The following NCKAP5 variants were observed in gnomAD, a reference collection of about 807,000 sequenced individuals.
The protein encoded by NCKAP5 is nck-associated protein 5.
NCKAP5 carries 92 observed loss-of-function variants against 167.0 expected under a neutral mutation model. That is an observed-to-expected ratio of 0.55 (90% CI 0.47 to 0.66). The LOEUF (loss-of-function observed/expected upper bound fraction) is 0.66. NCKAP5 is among the 30% of genes least tolerant of loss of function. The pLI is 0.00. For synonymous variants in NCKAP5, 891 were observed against 877.4 expected (o/e 1.02, Z -0.27); for missense variants, 2,378 against 2,315.0 (o/e 1.03, Z -0.56).
chr2:133,273,991 T>A (rs997967015), intron 4 of NCKAP5, among the ~76,000 whole-genome samples: 5 of 138,570 alleles, frequency 3.6e-5, no homozygotes, highest in Admixed American at 3.6e-4. Flanking sequence ...AAAAAAAAAA[T>A]CTATAACACG....
intron 4 of NCKAP5, among the ~76,000 whole-genome samples, chr2:133,223,537 T>C (rs2086747884): frequency 6.6e-6 from 1 of 152,160 alleles, no homozygotes. Context: ...TGGCAGATCA[T>C]TTAATTACTC....
chr2:133,361,825 TTAGCAAAA>T (rs1685122918), intron 3 of NCKAP5, among the ~76,000 whole-genome samples: 1 of 152,214 alleles, frequency 6.6e-6, no homozygotes, highest in Non-Finnish European at 1.5e-5. Context: ...AGCAAATGTC[TTAGCAAAA>T]TAGCACCATC....
chr2:132,859,315 G>A (rs989897938), intron 11 of NCKAP5, among the ~76,000 whole-genome samples: 2 of 152,008 alleles, frequency 1.3e-5, no homozygotes, highest in South Asian at 2.1e-4. Context: ...ACAATTTCCC[G>A]TTATTTCTCT....
In NCKAP5 at chr2:133,320,737, C is replaced by CA. The variant is rs202192425; in HGVS notation, c.70-17628dup. Among the ~76,000 whole-genome samples, 1,061 of 150,584 alleles carry CA rather than the reference C, an allele frequency of 7.0e-3. 16 individuals carry two copies. The highest frequency in any genetic ancestry group is 0.023 in the African/African-American group (922 of 40,940). On this transcript the variant is annotated intron_variant, in intron 3 of 19. Coordinates refer to ENST00000409261, the MANE Select transcript of NCKAP5 (RefSeq NM_207363.3). ...TCAAATAAACAACAAAACAAACAAA[C>CA]AAAAAAAAAGAAAAGAAAAAGGCCC...
intron 18 of NCKAP5, among the ~76,000 whole-genome samples, chr2:132,726,326 G>C (rs781144226): frequency 1.6e-4 from 25 of 152,296 alleles, no homozygotes; most frequent in Non-Finnish European, 3.4e-4. Flanking sequence ...GACAGTTCAT[G>C]GGCTGAGGAG....
At chr2:133,370,369 G>T in intron 3 of NCKAP5, among the ~76,000 whole-genome samples, 1 of 152,158 alleles carries the variant, frequency 6.6e-6, no homozygotes, top group Admixed American at 6.5e-5. Flanking sequence ...GTGGATATGA[G>T]GAAGGACAGG....
At chr2:133,386,335 A>G (rs1039014923) in intron 3 of NCKAP5, among the ~76,000 whole-genome samples, 1 of 152,250 alleles carries the variant, frequency 6.6e-6, no homozygotes. Flanking sequence ...CAGGTTGTTC[A>G]GTTTCCATGT....
chr2:133,250,077 A>T (rs572954837), intron 4 of NCKAP5, among the ~76,000 whole-genome samples: 65 of 151,084 alleles, frequency 4.3e-4, no homozygotes, highest in African/African-American at 1.5e-3. Flanking sequence ...CAGAGGAATG[A>T]CAGGAAATCT....
At chr2:133,111,685 G>A (rs913293326) in intron 6 of NCKAP5, among the ~76,000 whole-genome samples, 3 of 152,256 alleles carry the variant, frequency 2.0e-5, no homozygotes, top group Non-Finnish European at 2.9e-5. Flanking sequence ...AGCAGACTGG[G>A]CCCGGGTACC....
intron 6 of NCKAP5, among the ~76,000 whole-genome samples, chr2:133,127,946 G>A (rs1478260764): frequency 6.6e-6 from 1 of 152,132 alleles, no homozygotes; most frequent in Non-Finnish European, 1.5e-5. Context: ...TGGACTTGAG[G>A]AGTTGAACTG....
intron 11 of NCKAP5, among the ~76,000 whole-genome samples, chr2:132,824,459 A>T (rs1686982571): frequency 6.6e-6 from 1 of 152,340 alleles, no homozygotes; most frequent in Non-Finnish European, 1.5e-5. Flanking sequence ...ATAAATCTCT[A>T]TGGCAGATTT....
chr2:132,960,323 T>G (rs1295144316), intron 8 of NCKAP5, among the ~76,000 whole-genome samples: 2 of 152,024 alleles, frequency 1.3e-5, no homozygotes, highest in Non-Finnish European at 2.9e-5. Context: ...AACTTGGCTG[T>G]GGGAGAAGGT....
chr2:133,048,164 T>C (rs1176686954), intron 6 of NCKAP5, among the ~76,000 whole-genome samples: 1 of 152,148 alleles, frequency 6.6e-6, no homozygotes, highest in Non-Finnish European at 1.5e-5. Context: ...TTATAACCAA[T>C]TGCCCTGTAA....
At chr2:133,244,324 C>A (rs998517176) in intron 4 of NCKAP5, among the ~76,000 whole-genome samples, 2 of 152,150 alleles carry the variant, frequency 1.3e-5, no homozygotes, top group Admixed American at 6.6e-5. Context: ...TTTGCAAATG[C>A]AAAATACAAC....
rs1377590905 is a variant in NCKAP5 at position 133,509,026 on chromosome 2, C to T, written c.69+8432G>A. ...TGATGCTGGCAGACAACACTTATCACAGCAGCTGAATACAGCTGAATGAAA... is the reference window on the plus strand; with the variant it reads ...TGATGCTGGCAGACAACACTTATCATAGCAGCTGAATACAGCTGAATGAAA... On this transcript the variant is annotated intron_variant, in intron 3 of 19. Transcript: ENST00000409261. Among the ~76,000 whole-genome samples the T allele has an allele frequency of 2.0e-5, 3 of 152,226 alleles. 1 individual carries two copies. The highest frequency in any genetic ancestry group is 4.4e-5 in the Non-Finnish European group (3 of 68,044).
intron 8 of NCKAP5, among the ~76,000 whole-genome samples, chr2:132,920,777 A>ATATATATATATATATG (rs1695345135): frequency 7.2e-5 from 1 of 13,862 alleles, no homozygotes; most frequent in African/African-American, 2.2e-4. Flanking sequence ...GTATGTATAT[A>ATATATATATATATATG]TATATATATA....
chr2:133,281,069 A>T (rs115159822), intron 4 of NCKAP5, among the ~76,000 whole-genome samples: 230 of 152,338 alleles, frequency 1.5e-3, no homozygotes, highest in Non-Finnish European at 1.9e-3. Flanking sequence ...CAAGTTTCTG[A>T]TATAACTTGT....
chr2:133,481,759 T>C (rs1381587481), intron 3 of NCKAP5, among the ~76,000 whole-genome samples: 1 of 152,200 alleles, frequency 6.6e-6, no homozygotes, highest in Non-Finnish European at 1.5e-5. Flanking sequence ...GCAAAGGACA[T>C]GATCTCATTC....
intron 3 of NCKAP5, among the ~76,000 whole-genome samples, chr2:133,451,573 C>T (rs74729237): frequency 0.014 from 2,076 of 152,316 alleles, 19 homozygotes; most frequent in Non-Finnish European, 0.023. Flanking sequence ...TTTATCTTTT[C>T]CACCAAGGTA....
Sources: gnomAD v4.1 joint callset for allele counts (sites outside exome capture counted in the v4.1 genomes callset) on GRCh38, gnomAD v4.1.1 for gene constraint, MANE v1.5 for transcripts, NCBI Gene and HGNC (gene_info 2026-07-23, HGNC 2026-07-21) for gene names.